The following FGD4 variants were observed in gnomAD, a reference collection of about 807,000 sequenced individuals.
The protein encoded by FGD4 is FYVE, RhoGEF and PH domain-containing protein 4.
A neutral mutation model predicts 102.0 loss-of-function variants in FGD4; 42 were observed. That is an observed-to-expected ratio of 0.41 (90% CI 0.32 to 0.53). The LOEUF (loss-of-function observed/expected upper bound fraction) is 0.53, where lower values mean the gene tolerates loss of function less well. Ranked by LOEUF, FGD4 falls within the 20% of genes least tolerant of loss-of-function variation. The probability of loss-of-function intolerance (pLI) is 0.21; values close to 1 mark genes in which losing one functional copy is unlikely to be tolerated. For synonymous variants in FGD4, 380 were observed against 375.7 expected (o/e 1.01, Z -0.13); for missense variants, 902 against 1,078.2 (o/e 0.84, Z 2.29).
intron 1 of FGD4, among the ~76,000 whole-genome samples, chr12:32,554,007 A>C (rs1943902975): frequency 6.6e-6 from 1 of 152,150 alleles, no homozygotes; most frequent in African/African-American, 2.4e-5. Context: ...TGGGAGGATC[A>C]CTTGAGCTCA....
intron 1 of FGD4, among the ~76,000 whole-genome samples, chr12:32,434,965 C>G (rs1420188835): frequency 6.7e-6 from 1 of 148,560 alleles, no homozygotes; most frequent in Non-Finnish European, 1.5e-5. Context: ...TTTTTCTTTT[C>G]TTTTCTTTCT....
At position 32,527,443 on chromosome 12, in the gene FGD4, T is replaced by C. The variant is rs1405566729; in HGVS notation, c.167-36694T>C. Among the ~76,000 whole-genome samples, 3 of 152,204 alleles carry C rather than the reference T, an allele frequency of 2.0e-5. No individual in the cohort carries two copies. In the East Asian group the frequency reaches 5.8e-4, roughly 29 times the overall value. ...TCCCAGAGCCTGGCCAGACTTTTTT[T>C]TTTTGAGACAGAGTCTCACTTTGTT... On this transcript the variant is annotated intron_variant, in intron 1 of 16. Coordinates refer to ENST00000534526, the MANE Select transcript of FGD4 (RefSeq NM_001370298.3).
chr12:32,501,943 T>C (rs1592026960), intron 1 of FGD4: 1 of 732,996 alleles, frequency 1.4e-6, no homozygotes, highest in African/African-American at 1.9e-5. Flanking sequence ...AAGCTTTTAG[T>C]TGGGCTGCAC....
At chr12:32,415,858 T>C (rs1427698399) in intron 1 of FGD4, among the ~76,000 whole-genome samples, 2 of 152,056 alleles carry the variant, frequency 1.3e-5, no homozygotes, top group African/African-American at 4.8e-5. Context: ...TCATCTGATA[T>C]AAGTATAGCT....
At chr12:32,601,513 T>A in intron 6 of FGD4, 90 bp downstream of exon 6, 3 of 1,443,010 alleles carry the variant, frequency 2.1e-6, no homozygotes, top group Non-Finnish European at 2.8e-6. Context: ...CACACACAAC[T>A]GTAACTAGAC....
At chr12:32,493,542 C>G (rs1944182492) in intron 1 of FGD4, among the ~76,000 whole-genome samples, 1 of 152,238 alleles carries the variant, frequency 6.6e-6, no homozygotes, top group Non-Finnish European at 1.5e-5. Context: ...TCCATTAGCT[C>G]AGATGTGTCA....
chr12:32,468,753 A>C (rs1410704122), intron 1 of FGD4, among the ~76,000 whole-genome samples: 1 of 152,164 alleles, frequency 6.6e-6, no homozygotes, highest in Admixed American at 6.5e-5. Context: ...GGAAGAAAAG[A>C]TATTGTAACC....
At chr12:32,604,246 T>C (rs996789013) in intron 7 of FGD4, among the ~76,000 whole-genome samples, 1 of 152,204 alleles carries the variant, frequency 6.6e-6, no homozygotes, top group Non-Finnish European at 1.5e-5. Context: ...TTGATTTTTT[T>C]TTAATCATTT....
chr12:32,596,417 G>T (rs1181274939), intron 4 of FGD4, among the ~76,000 whole-genome samples: 2 of 152,198 alleles, frequency 1.3e-5, no homozygotes, highest in African/African-American at 2.4e-5. Context: ...GCATTTGAGT[G>T]ATGTGTTTGG....
chr12:32,488,264 A>G (rs1943974922), intron 1 of FGD4, among the ~76,000 whole-genome samples: 1 of 152,096 alleles, frequency 6.6e-6, no homozygotes, highest in Non-Finnish European at 1.5e-5. Context: ...TTGCACCAAG[A>G]TAGTGTACTG....
chr12:32,415,489 C>G (rs1941374468), intron 1 of FGD4, among the ~76,000 whole-genome samples: 1 of 140,546 alleles, frequency 7.1e-6, no homozygotes, highest in Non-Finnish European at 1.5e-5. Context: ...GTGGCACAGT[C>G]TCGGCTCACT....
chr12:32,535,609 A>G (rs751084980), intron 1 of FGD4, among the ~76,000 whole-genome samples: 4 of 151,014 alleles, frequency 2.6e-5, no homozygotes, highest in African/African-American at 9.8e-5. Context: ...GATCTCTCCA[A>G]AATTTACCAT....
At chr12:32,587,359 C>G (rs528621743) in intron 4 of FGD4, among the ~76,000 whole-genome samples, 176 of 148,702 alleles carry the variant, frequency 1.2e-3, no homozygotes, top group African/African-American at 4.2e-3. Flanking sequence ...ATGGCTATTG[C>G]TTATTTTTTA....
At chr12:32,568,625 A>G (rs1945382263) in intron 2 of FGD4, among the ~76,000 whole-genome samples, 1 of 152,252 alleles carries the variant, frequency 6.6e-6, no homozygotes, top group Non-Finnish European at 1.5e-5. Context: ...TATCTCAATC[A>G]TTAAATGCTT....
chr12:32,455,318 A>G (rs568603271), intron 1 of FGD4, among the ~76,000 whole-genome samples: 29 of 152,244 alleles, frequency 1.9e-4, no homozygotes, highest in African/African-American at 5.5e-4. Context: ...TTTTTTATTT[A>G]TATTTAGAGC....
chr12:32,630,513 C>T (rs1950436284), intron 14 of FGD4, among the ~76,000 whole-genome samples: 1 of 152,028 alleles, frequency 6.6e-6, no homozygotes, highest in Non-Finnish European at 1.5e-5. Context: ...AACTCTGTCT[C>T]TACCAAAAAT....
intron 1 of FGD4, among the ~76,000 whole-genome samples, chr12:32,418,068 T>C (rs1170084658): frequency 5.3e-5 from 8 of 151,208 alleles, no homozygotes; most frequent in Non-Finnish European, 2.9e-5. Context: ...GCCATTCTCC[T>C]GCCTCAGCCT....
chr12:32,410,931 CTTTTTTTTTTT>C (rs747780109), intron 1 of FGD4, among the ~76,000 whole-genome samples: 2 of 126,910 alleles, frequency 1.6e-5, no homozygotes, highest in Non-Finnish European at 3.3e-5. Flanking sequence ...TTTTTTTTTT[CTTTTTTTTTTT>C]TTTTTTGAGA....
At chr12:32,517,081 T>A (rs1939969936) in intron 1 of FGD4, among the ~76,000 whole-genome samples, 1 of 152,250 alleles carries the variant, frequency 6.6e-6, no homozygotes, top group Non-Finnish European at 1.5e-5. Flanking sequence ...AGTATTTGTA[T>A]GCCTTCTTTG....
Sources: gnomAD v4.1 joint callset for allele counts (sites outside exome capture counted in the v4.1 genomes callset) on GRCh38, gnomAD v4.1.1 for gene constraint, MANE v1.5 for transcripts, NCBI Gene and HGNC (gene_info 2026-07-23, HGNC 2026-07-21) for gene names.